DZIP3: variants seen among roughly 807,000 people sequenced by gnomAD.
The protein encoded by DZIP3 is DAZ interacting zinc finger protein 3.
Under a neutral mutation model 162.0 loss-of-function variants are expected in DZIP3, and 118 were observed. The observed-to-expected ratio is 0.73, with a 90% CI of 0.63 to 0.85. DZIP3 has a LOEUF of 0.85. Among genes scored for constraint, DZIP3 ranks in the 40% least tolerant of loss-of-function variants. The pLI, the probability that DZIP3 is intolerant of heterozygous loss-of-function variation, is 0.00. For synonymous variants in DZIP3, 438 were observed against 458.6 expected (o/e 0.96, Z 0.57); for missense variants, 1,331 against 1,407.0 (o/e 0.95, Z 0.86).
chr3:108,631,055 A>ACACACACAAACACTCTCTCT, intron 8 of DZIP3, among the ~76,000 whole-genome samples: 1 of 18,006 alleles, frequency 5.6e-5, no homozygotes. Context: ...ACACACACAC[A>ACACACACAAACACTCTCTCT]CTCTCTCTCT....
chr3:108,613,197 C>T (rs542732989), intron 4 of DZIP3, among the ~76,000 whole-genome samples: 3 of 152,094 alleles, frequency 2.0e-5, no homozygotes, highest in Non-Finnish European at 2.9e-5. Flanking sequence ...TTAAAGCAGT[C>T]AATTTTCTAT....
intron 23 of DZIP3, among the ~76,000 whole-genome samples, chr3:108,672,997 A>T (rs546792054): frequency 6.6e-6 from 1 of 151,924 alleles, no homozygotes; most frequent in South Asian, 2.1e-4. Flanking sequence ...CTGCTGCCAC[A>T]ATATCTTCTT....
intron 8 of DZIP3, among the ~76,000 whole-genome samples, chr3:108,632,300 T>A (rs1941926333): frequency 1.3e-5 from 2 of 152,274 alleles, no homozygotes; most frequent in African/African-American, 4.8e-5. Flanking sequence ...AGTGAAATGG[T>A]GCTACCATAG....
At chr3:108,590,166 G>A (rs1939304205) in intron 1 of DZIP3, 1 of 152,128 alleles carries the variant, frequency 6.6e-6, no homozygotes, top group Non-Finnish European at 1.5e-5. Context: ...TACGAAAATG[G>A]CACTATTATT....
At chr3:108,605,863 C>A (rs1940319919) in intron 2 of DZIP3, among the ~76,000 whole-genome samples, 1 of 152,136 alleles carries the variant, frequency 6.6e-6, no homozygotes, top group Non-Finnish European at 1.5e-5. Context: ...TTCCACGTAA[C>A]CTTGGGAAGC....
chr3:108,610,006 G>T (rs1011363319), intron 3 of DZIP3, among the ~76,000 whole-genome samples: 1 of 152,008 alleles, frequency 6.6e-6, no homozygotes, highest in Non-Finnish European at 1.5e-5. Flanking sequence ...TCTTTATAAG[G>T]GGTTTTTCTA....
intron 19 of DZIP3, among the ~76,000 whole-genome samples, chr3:108,657,470 AAAAGAGCTCCTG>A (rs1943187354): frequency 1.3e-5 from 2 of 152,240 alleles, no homozygotes; most frequent in Non-Finnish European, 2.9e-5. Context: ...GGCCTGCCCT[AAAAGAGCTCCTG>A]AAGGAAGCAC....
intron 1 of DZIP3, among the ~76,000 whole-genome samples, chr3:108,595,031 A>T (rs1488860204): frequency 6.6e-6 from 1 of 152,244 alleles, no homozygotes; most frequent in Non-Finnish European, 1.5e-5. Flanking sequence ...TGTTTATTGA[A>T]TGCCAGTTCT....
chr3:108,610,378 G>A (rs1249096211), intron 3 of DZIP3, among the ~76,000 whole-genome samples: 1 of 152,128 alleles, frequency 6.6e-6, no homozygotes, highest in African/African-American at 2.4e-5. Flanking sequence ...GGAGAGAAGG[G>A]CAAAACACCA....
chr3:108,621,615 T>C (rs1941349565), intron 5 of DZIP3, among the ~76,000 whole-genome samples: 1 of 152,138 alleles, frequency 6.6e-6, no homozygotes, highest in African/African-American at 2.4e-5. Context: ...TAACAAATGC[T>C]GGTGAGGATG....
chr3:108,634,924 T>A lies in DZIP3; in HGVS notation c.870T>A (p.Ile290=). The A allele has an allele frequency of 6.2e-7, 1 of 1,610,658 alleles. No homozygotes were observed. The highest frequency in any genetic ancestry group is 8.5e-7 in the Non-Finnish European group (1 of 1,178,194). Reference sequence around the variant, plus strand: ...GTTGCTGTGTTTATTTCCATAAAATTTGCTGGAAAAAGTTCAAGAATTTAA... The same window carrying A: ...GTTGCTGTGTTTATTTCCATAAAATATGCTGGAAAAAGTTCAAGAATTTAA... ...SKSCCVYFHK[I]CWKKFKNLKY... The change falls in exon 10 of 33, where the codon ATT becomes ATA. Residue 290 remains isoleucine, a synonymous_variant. Coordinates refer to ENST00000361582, the MANE Select transcript of DZIP3 (RefSeq NM_014648.4).
intron 18 of DZIP3, among the ~76,000 whole-genome samples, chr3:108,653,070 G>T (rs1386402281): frequency 1.3e-5 from 2 of 151,694 alleles, no homozygotes; most frequent in Non-Finnish European, 3.0e-5. Context: ...CAGTTGTAGG[G>T]GTGCCTAGAA....
intron 16 of DZIP3, 83 bp downstream of exon 16, chr3:108,648,195 C>T (rs1942713364): frequency 7.6e-7 from 1 of 1,309,646 alleles, no homozygotes; most frequent in African/African-American, 1.5e-5. Context: ...TAAAGCATCC[C>T]AGATAATTTT....
At position 108,642,429 on chromosome 3, in the gene DZIP3, C is replaced by T. The variant is rs1469986119; in HGVS notation, c.1065-9C>T. The T allele has an allele frequency of 4.8e-6, 7 of 1,465,220 alleles. No individual in the cohort carries two copies. Among genetic ancestry groups the T allele is most frequent in the South Asian group, 1.3e-5 (1 of 78,408 alleles). 90.8% of individuals were successfully genotyped at this position (1,465,220 alleles called of 1,614,324 possible). A position where few individuals can be genotyped will look rare whatever the true frequency, so the allele number is the denominator to read the frequency against. ...TTTCCACTATAACTTAATTTTTTTC[C>T]TTTTGCAGTTATAGAAAGTTGATAT... On this transcript the variant is annotated splice_polypyrimidine_tract_variant and intron_variant, in intron 12 of 32. Coordinates refer to ENST00000361582, the MANE Select transcript of DZIP3 (RefSeq NM_014648.4).
chr3:108,621,454 G>C (rs1391866630), intron 5 of DZIP3, among the ~76,000 whole-genome samples: 2 of 152,056 alleles, frequency 1.3e-5, no homozygotes, highest in Non-Finnish European at 2.9e-5. Context: ...CATTTATACT[G>C]TTTCTTATTT....
intron 32 of DZIP3, among the ~76,000 whole-genome samples, chr3:108,692,034 T>C (rs1329407638): frequency 6.6e-6 from 1 of 152,102 alleles, no homozygotes; most frequent in African/African-American, 2.4e-5. Context: ...ATAAATAAGC[T>C]CTTTTCTCTT....
intron 15 of DZIP3, 38 bp downstream of exon 15, chr3:108,646,687 T>A: frequency 7.2e-7 from 1 of 1,381,958 alleles, no homozygotes; most frequent in Non-Finnish European, 9.9e-7. Flanking sequence ...AAATGACTTT[T>A]TAACAAGGGA....
At chr3:108,644,063 A>T in intron 13 of DZIP3, 101 bp from the exon 14 acceptor site, 1 of 1,380,540 alleles carries the variant, frequency 7.2e-7, no homozygotes, top group Non-Finnish European at 9.7e-7. Flanking sequence ...ATTCTTTTGG[A>T]ATAGTTTTTA....
intron 11 of DZIP3, 81 bp downstream of exon 11, chr3:108,636,789 G>T: frequency 1.0e-6 from 1 of 973,278 alleles, no homozygotes; most frequent in South Asian, 1.5e-5. Flanking sequence ...ACAGACCTGG[G>T]GATCATCATA....
Sources: gnomAD v4.1 joint callset for allele counts (sites outside exome capture counted in the v4.1 genomes callset) on GRCh38, gnomAD v4.1.1 for gene constraint, MANE v1.5 for transcripts, NCBI Gene and HGNC (gene_info 2026-07-23, HGNC 2026-07-21) for gene names.